The following GRM1 variants were observed in gnomAD, a reference collection of about 807,000 sequenced individuals.
The protein encoded by GRM1 is glutamate metabotropic receptor 1.
In GRM1, 33 loss-of-function variants were observed where a neutral mutation model predicts 90.9. The observed-to-expected ratio is 0.36, with a 90% confidence interval of 0.28 to 0.49. The LOEUF is 0.49. GRM1 is among the 20% of genes least tolerant of loss of function. The pLI is 0.99. For synonymous variants in GRM1, 700 were observed against 613.2 expected (o/e 1.14, Z -2.09); for missense variants, 1,190 against 1,534.3 (o/e 0.78, Z 3.75).
intron 1 of GRM1, among the ~76,000 whole-genome samples, chr6:146,047,359 G>T (rs564600750): frequency 3.3e-5 from 5 of 151,816 alleles, no homozygotes; most frequent in African/African-American, 1.2e-4. Context: ...TTCTTTGTTT[G>T]TCTAGAAAAA....
intron 1 of GRM1, among the ~76,000 whole-genome samples, chr6:146,111,749 A>G (rs1775568733): frequency 6.6e-6 from 1 of 152,188 alleles, no homozygotes; most frequent in South Asian, 2.1e-4. Context: ...TTTAAGCAGT[A>G]ATTAGGAGTT....
chr6:146,370,945 G>A (rs1365522151), intron 5 of GRM1, among the ~76,000 whole-genome samples: 7 of 151,980 alleles, frequency 4.6e-5, no homozygotes, highest in South Asian at 2.1e-4. Flanking sequence ...ATACTTTGTC[G>A]GTGATAAATT....
At chr6:146,061,403 T>A (rs544441402) in intron 1 of GRM1, among the ~76,000 whole-genome samples, 91 of 152,210 alleles carry the variant, frequency 6.0e-4, no homozygotes, top group South Asian at 3.5e-3. Context: ...TTATTGTGCA[T>A]CACAGATATT....
chr6:146,125,697 C>T (rs1776176696), intron 1 of GRM1, among the ~76,000 whole-genome samples: 1 of 151,970 alleles, frequency 6.6e-6, no homozygotes, highest in Admixed American at 6.6e-5. Flanking sequence ...ATTCTTCCCC[C>T]CTCCTTTTCT....
intron 3 of GRM1, among the ~76,000 whole-genome samples, chr6:146,324,671 G>T (rs1784337297): frequency 6.6e-6 from 1 of 152,148 alleles, no homozygotes; most frequent in East Asian, 1.9e-4. Context: ...CCCTTGGCTA[G>T]GGGAGGGAGT....
At chr6:146,427,162 A>C (rs1778240427) in intron 7 of GRM1, among the ~76,000 whole-genome samples, 1 of 152,148 alleles carries the variant, frequency 6.6e-6, no homozygotes, top group Admixed American at 6.5e-5. Context: ...TGGGGAGCAC[A>C]AAACAAAAGT....
chr6:146,245,855 A>C (rs1207556573), intron 2 of GRM1, among the ~76,000 whole-genome samples: 1 of 152,222 alleles, frequency 6.6e-6, no homozygotes, highest in Non-Finnish European at 1.5e-5. Flanking sequence ...TGTCTTTCAA[A>C]GGATGTGACT....
intron 1 of GRM1, among the ~76,000 whole-genome samples, chr6:146,046,128 G>A (rs1013012820): frequency 1.3e-5 from 2 of 151,878 alleles, no homozygotes; most frequent in African/African-American, 2.4e-5. Flanking sequence ...TTTCTTACAC[G>A]CTTCCTGTGA....
At position 146,140,089 on chromosome 6, in the gene GRM1, T is replaced by TTTTCTTTCTTTCTTTC. The variant is rs1412796494; in HGVS notation, c.701-19259_701-19258insTTTCTTTCTTTCTTTC. 7.8e-5 allele frequency among the ~76,000 whole-genome samples: 5 copies of TTTTCTTTCTTTCTTTC among 64,168 alleles called. 1 individual carries two copies. Among genetic ancestry groups the TTTTCTTTCTTTCTTTC allele is most frequent in the East Asian group, 1.1e-3 (2 of 1,834 alleles). 42.1% of individuals were successfully genotyped at this position (64,168 alleles called of 152,430 possible). ...CCTCTTCTTTTCTCCTTTCTTTCTTTATTCTTTCTTTCTTTCTTTCTTTCT... is the reference window on the plus strand; with the variant it reads ...CCTCTTCTTTTCTCCTTTCTTTCTTTTTTCTTTCTTTCTTTCATTCTTTCTTTCTTTCTTTCTTTCT... On this transcript the variant is annotated intron_variant, in intron 1 of 7. Coordinates refer to ENST00000282753, the MANE Select transcript of GRM1 (RefSeq NM_001278064.2).
chr6:146,107,562 C>T (rs904339089), intron 1 of GRM1, among the ~76,000 whole-genome samples: 1 of 152,124 alleles, frequency 6.6e-6, no homozygotes, highest in Non-Finnish European at 1.5e-5. Context: ...CTGCAGTTGT[C>T]CCCCAAATTC....
At chr6:146,113,009 CTCT>C (rs1775617773) in intron 1 of GRM1, among the ~76,000 whole-genome samples, 1 of 152,170 alleles carries the variant, frequency 6.6e-6, no homozygotes. Context: ...TGTTTTCCTC[CTCT>C]TAAGTCTTCA....
chr6:146,349,238 T>A (rs922304791), intron 3 of GRM1, among the ~76,000 whole-genome samples: 18 of 106,328 alleles, frequency 1.7e-4, no homozygotes, highest in South Asian at 3.7e-4. Flanking sequence ...GGCTATTTTT[T>A]TTTTTTTATT....
At position 146,410,169 on chromosome 6, in the gene GRM1, G is replaced by A. The variant is rs537427805; in HGVS notation, c.2660+10470G>A. 2.6e-5 allele frequency among the ~76,000 whole-genome samples: 4 copies of A among 152,226 alleles called. No individual in the cohort carries two copies. In the East Asian group the frequency reaches 5.8e-4, roughly 22 times the overall value. ...TGGAGTAGGGATGAGGGAGAACAGGGATGCTGTCAGCCAGTTCTGTGACTG... is the reference window on the plus strand; with the variant it reads ...TGGAGTAGGGATGAGGGAGAACAGGAATGCTGTCAGCCAGTTCTGTGACTG... On this transcript the variant is annotated intron_variant, in intron 7 of 7. Transcript: ENST00000282753.
chr6:146,194,474 A>G (rs528889683), intron 2 of GRM1, among the ~76,000 whole-genome samples: 2 of 152,348 alleles, frequency 1.3e-5, no homozygotes, highest in East Asian at 3.9e-4. Flanking sequence ...AGCCAACATC[A>G]GGGGCAACTT....
chr6:146,286,135 C>CT (rs1306314105), intron 2 of GRM1, among the ~76,000 whole-genome samples: 2 of 152,086 alleles, frequency 1.3e-5, no homozygotes, highest in Non-Finnish European at 2.9e-5. Flanking sequence ...ATCAACATCT[C>CT]TTTTAAAAAT....
intron 3 of GRM1, among the ~76,000 whole-genome samples, chr6:146,327,913 A>G (rs995227283): frequency 6.6e-6 from 1 of 152,152 alleles, no homozygotes; most frequent in Non-Finnish European, 1.5e-5. Context: ...GGGTCAGTGG[A>G]CATAAGGTCA....
chr6:146,211,869 A>G (rs1583170587), intron 2 of GRM1, among the ~76,000 whole-genome samples: 1 of 152,188 alleles, frequency 6.6e-6, no homozygotes, highest in East Asian at 1.9e-4. Context: ...CACATGTATC[A>G]GTCAGGGCTC....
At chr6:146,034,522 A>C (rs1473864295) in intron 1 of GRM1, among the ~76,000 whole-genome samples, 1 of 151,982 alleles carries the variant, frequency 6.6e-6, no homozygotes, top group Non-Finnish European at 1.5e-5. Flanking sequence ...GGAGGACTTG[A>C]ATTTTTTCCC....
At chr6:146,361,907 A>C (rs995458070) in intron 5 of GRM1, among the ~76,000 whole-genome samples, 35 of 152,228 alleles carry the variant, frequency 2.3e-4, no homozygotes, top group African/African-American at 8.4e-4. Context: ...CATAAGTAAT[A>C]ATCCACTTTT....
Sources: gnomAD v4.1 joint callset for allele counts (sites outside exome capture counted in the v4.1 genomes callset) on GRCh38, gnomAD v4.1.1 for gene constraint, MANE v1.5 for transcripts, NCBI Gene and HGNC (gene_info 2026-07-23, HGNC 2026-07-21) for gene names.